ASPG: variants seen among roughly 807,000 people sequenced by gnomAD.
The protein encoded by ASPG is 60 kDa lysophospholipase.
Under a neutral mutation model 63.2 loss-of-function variants are expected in ASPG, and 53 were observed. The ratio of observed to expected loss-of-function variants is 0.84; its 90% CI spans 0.67 to 1.05. The LOEUF (loss-of-function observed/expected upper bound fraction) is 1.05. ASPG is among the 50% of genes least tolerant of loss of function. ASPG has a pLI of 0.00. For missense variants in ASPG, 741 were observed against 794.4 expected, an observed-to-expected ratio of 0.93 and a Z score of 0.81; for synonymous variants, 370 against 355.0, an observed-to-expected ratio of 1.04 and a Z score of -0.48.
Position 104,098,955 on chromosome 14 carries a change from G to T in ASPG, c.616G>T (p.Ala206Ser). 1 of 1,599,406 alleles carries T rather than the reference G, an allele frequency of 6.3e-7. No homozygotes were observed. Among genetic ancestry groups the T allele is most frequent in the South Asian group, 1.1e-5 (1 of 88,672 alleles). ...CTGCTCCCCGAACCTGCTGCCTCTGGCCACAGTGGGTGCTGACATCACAAG... is the reference window on the plus strand; with the variant it reads ...CTGCTCCCCGAACCTGCTGCCTCTGTCCACAGTGGGTGCTGACATCACAAG... Reference protein sequence around the residue: ...AFCSPNLLPLATVGADITINR... With the variant: ...AFCSPNLLPLSTVGADITINR... Residue 206 changes from alanine (A) to serine (S), a missense_variant, in exon 6 of 16, where the codon GCC (alanine) becomes TCC (serine). Coordinates refer to ENST00000551177, the MANE Select transcript of ASPG (RefSeq NM_001080464.3).
In ASPG at chr14:104,110,526, G is replaced by A; in HGVS notation, c.1521-976G>A. The A allele has an allele frequency of 3.0e-6, 3 of 985,356 alleles. No homozygotes were observed. The highest frequency in any genetic ancestry group is 3.6e-6 in the Non-Finnish European group (3 of 829,884). The allele number at this position is 985,356 out of a possible 1,614,324, so 61.0% of individuals were successfully genotyped here. ...GGAAGTGGCCTGGCCAGCCTGAGCT[G>A]CTGGCTGGACTTGAGCCCCTCGGCT... is the stretch of plus-strand genomic sequence containing the variant. On this transcript the variant is annotated intron_variant, in intron 13 of 15. Transcript: ENST00000551177. This position sits in a 1 kb window ranked among gnomAD's most constrained non-coding sequence, Gnocchi z 4.7.
At position 104,109,473 on chromosome 14, in the gene ASPG, A is replaced by G. The variant is rs2037292188; in HGVS notation, c.1520+158A>G. On this transcript the variant is annotated intron_variant, in intron 13 of 15. Transcript: ENST00000551177. This position sits in a 1 kb window ranked among gnomAD's most constrained non-coding sequence, Gnocchi z 4.8. ...GTGTGCACCAACCTGGCTGATGGGA[A>G]GAGGTGTCTACCCTGGACCATGTCA... Among the ~76,000 whole-genome samples, 1 of 152,054 alleles carries G rather than the reference A, an allele frequency of 6.6e-6. No individual in the cohort carries two copies. Among genetic ancestry groups the G allele is most frequent in the Non-Finnish European group, 1.5e-5 (1 of 67,984 alleles).
At chr14:104,095,434 C>T in intron 3 of ASPG, 97 bp from the exon 4 acceptor site, 5 of 1,552,758 alleles carry the variant, frequency 3.2e-6, no homozygotes, top group Non-Finnish European at 4.4e-6. Context: ...TCCCCTGAGT[C>T]CTCCTCTCTG....
At chr14:104,099,029 G>A (rs2036754541) in intron 6 of ASPG, 50 bp downstream of exon 6, 1 of 1,534,022 alleles carries the variant, frequency 6.5e-7, no homozygotes, top group Non-Finnish European at 8.8e-7. Context: ...CTGGTGCTGG[G>A]CGAGGGGCTG....
chr14:104,104,344 T>C lies in ASPG; in HGVS notation c.794T>C (p.Met265Thr), dbSNP rs760243276. The C allele has an allele frequency of 2.5e-6, 4 of 1,612,416 alleles. No individual in the cohort carries two copies. In the Admixed American group the frequency reaches 5.0e-5, roughly 20 times the overall value. Residue 265 changes from methionine to threonine, a missense_variant, in exon 8 of 16, where the codon ATG becomes ACG. Transcript: ENST00000551177. ...CAGCCTCCCCTGAAGGGCGTGGTCA[T>C]GGAGACCTTCGGTTCAGGGAACGGA... ...FLQPPLKGVV[M>T]ETFGSGNGPT...
chr14:104,110,622 G>A lies in ASPG; in HGVS notation c.1521-880G>A. ...AGCAGGTCCAGGAGGGGCCAGTGAG[G>A]CCATCCAGCAGATTCGCTGCAGAGA... On this transcript the variant is annotated intron_variant, in intron 13 of 15. Transcript: ENST00000551177. This position sits in a 1 kb window ranked among gnomAD's most constrained non-coding sequence, Gnocchi z 4.7. 3.0e-6 allele frequency: 3 copies of A among 985,316 alleles called. No homozygotes were observed. The highest frequency in any genetic ancestry group is 3.6e-6 in the Non-Finnish European group (3 of 829,860). 61.0% of individuals were successfully genotyped at this position (985,316 alleles called of 1,614,324 possible).
chr14:104,090,465 G>C (rs575968278), intron 1 of ASPG, among the ~76,000 whole-genome samples: 1 of 152,260 alleles, frequency 6.6e-6, no homozygotes, highest in African/African-American at 2.4e-5. Flanking sequence ...ACAGAAGTTC[G>C]TTCTGGGTTC....
intron 6 of ASPG, among the ~76,000 whole-genome samples, chr14:104,102,489 CT>C (rs2036922687): frequency 6.6e-6 from 1 of 152,196 alleles, no homozygotes; most frequent in Admixed American, 6.5e-5. Context: ...CGCCCAGGCC[CT>C]TCCCCACCCC....
Position 104,098,129 on chromosome 14 carries a change from G to GTTAGAGATGCGTATGGAGGTTATACC in ASPG, c.513+500_513+501insGCGTATGGAGGTTATACCTTAGAGAT, listed in dbSNP as rs1566830577. 8.4e-3 allele frequency among the ~76,000 whole-genome samples: 238 copies of GTTAGAGATGCGTATGGAGGTTATACC among 28,340 alleles called. 15 individuals are homozygous for GTTAGAGATGCGTATGGAGGTTATACC. Among genetic ancestry groups the GTTAGAGATGCGTATGGAGGTTATACC allele is most frequent in the East Asian group, 0.024 (15 of 614 alleles). The allele number at this position is 28,340 out of a possible 152,430, so 18.6% of individuals were successfully genotyped here. A position where few individuals can be genotyped will look rare whatever the true frequency, so the allele number is the denominator to read the frequency against. ...TTAGAGATGCGTATGGAGGTTCTCC[G>GTTAGAGATGCGTATGGAGGTTATACC]TTAGAGATACGTATGGAGGTTCTGC... On this transcript the variant is annotated intron_variant, in intron 5 of 15. Coordinates refer to ENST00000551177, the MANE Select transcript of ASPG (RefSeq NM_001080464.3).
chr14:104,109,795 G>A lies in ASPG; in HGVS notation c.1520+480G>A, dbSNP rs1054377593. ...CTCCCCAGCGTGGTTCCTGTCCTGG[G>A]ATAAACTGACCTAGGCCCCGCCTCC... is the stretch of plus-strand genomic sequence containing the variant. On this transcript the variant is annotated intron_variant, in intron 13 of 15. Coordinates refer to ENST00000551177, the MANE Select transcript of ASPG (RefSeq NM_001080464.3). The surrounding 1 kb of genome is among the most constrained non-coding windows in gnomAD (Gnocchi z 4.8). Among the ~76,000 whole-genome samples, 1 of 152,008 alleles carries A rather than the reference G, an allele frequency of 6.6e-6. No homozygotes were observed. Among genetic ancestry groups the A allele is most frequent in the Non-Finnish European group, 1.5e-5 (1 of 67,992 alleles).
intron 5 of ASPG, among the ~76,000 whole-genome samples, chr14:104,097,971 G>A (rs112970207): frequency 1.7e-3 from 114 of 66,808 alleles, no homozygotes; most frequent in Middle Eastern, 8.6e-3. Flanking sequence ...TGGAGGTTCT[G>A]CGTTAGAGAT....
chr14:104,101,637 G>A (rs1470255100), intron 6 of ASPG, among the ~76,000 whole-genome samples: 1 of 152,228 alleles, frequency 6.6e-6, no homozygotes, highest in Non-Finnish European at 1.5e-5. Context: ...AGAGGAGGGT[G>A]GAGAAGGGGA....
At chr14:104,104,876 G>A (rs2037053738) in intron 9 of ASPG, 141 bp downstream of exon 9, 3 of 710,724 alleles carry the variant, frequency 4.2e-6, no homozygotes, top group Non-Finnish European at 2.3e-6. Flanking sequence ...GAGGGATGTG[G>A]CTCCCTATAG....
chr14:104,104,580 G>A (rs765100767), intron 8 of ASPG, 42 bp from the exon 9 acceptor site: 22 of 1,583,624 alleles, frequency 1.4e-5, no homozygotes, highest in East Asian at 4.5e-5. Flanking sequence ...GCTGGGGGCC[G>A]TGGTGAGTCG....
rs776986678 is a variant in ASPG, at chr14:104,098,965, G to T, written c.626G>T (p.Gly209Val). 2 of 1,596,038 alleles carry T rather than the reference G, an allele frequency of 1.3e-6. No homozygotes were observed. The highest frequency in any genetic ancestry group is 2.3e-5 in the South Asian group (2 of 88,418). ...AACCTGCTGCCTCTGGCCACAGTGG[G>T]TGCTGACATCACAAGTAAGCCCCGC... is the stretch of plus-strand genomic sequence containing the variant. ...SPNLLPLATV[G>V]ADITINRELV... Residue 209 changes from glycine to valine, a missense_variant, in exon 6 of 16, where the codon GGT becomes GTT. By Grantham distance (109) the Gly-to-Val change is moderately radical. Transcript: ENST00000551177.
In ASPG at chr14:104,104,506, G is replaced by T. The variant is rs1454838077; in HGVS notation, c.936+20G>T. 1 of 1,608,132 alleles carries T rather than the reference G, an allele frequency of 6.2e-7. No homozygotes were observed. The highest frequency in any genetic ancestry group is 8.5e-7 in the Non-Finnish European group (1 of 1,176,694). On this transcript the variant is annotated intron_variant, in intron 8 of 15. Transcript: ENST00000551177. ...GGCATGGTAGTGCCGGGAGATCAGG[G>T]CCTAGCGGGGAAGGGGACAGCCTGA... is the stretch of plus-strand genomic sequence containing the variant.
chr14:104,097,331 G>A (rs571078850), intron 4 of ASPG, among the ~76,000 whole-genome samples: 3 of 152,110 alleles, frequency 2.0e-5, no homozygotes, highest in Non-Finnish European at 4.4e-5. Flanking sequence ...TGTTGTTGGC[G>A]GCCTTGGAGA....
intron 1 of ASPG, among the ~76,000 whole-genome samples, chr14:104,086,532 C>A (rs1266376710): frequency 1.3e-5 from 2 of 152,134 alleles, no homozygotes; most frequent in African/African-American, 4.8e-5. Flanking sequence ...CCAGCCTGGG[C>A]TGGGCACAGG....
At chr14:104,100,069 C>T (rs745645441) in intron 6 of ASPG, among the ~76,000 whole-genome samples, 3 of 152,194 alleles carry the variant, frequency 2.0e-5, no homozygotes, top group African/African-American at 7.2e-5. Flanking sequence ...TAGGGAATCT[C>T]CCGGTGCGGC....
Sources: gnomAD v4.1 joint callset for allele counts (sites outside exome capture counted in the v4.1 genomes callset) on GRCh38, gnomAD v4.1.1 for gene constraint, Gnocchi (gnomAD v3.1) non-coding constraint, MANE v1.5 for transcripts, NCBI Gene and HGNC (gene_info 2026-07-23, HGNC 2026-07-21) for gene names.